Variants in CPEB1 observed in about 807,000 individuals in gnomAD.
CPEB1 encodes cytoplasmic polyadenylation element binding protein 1, also known as cytoplasmic polyadenylation element-binding protein 1.
CPEB1 carries 7 observed loss-of-function variants against 65.8 expected under a neutral mutation model. The ratio of observed to expected loss-of-function variants is 0.11; its 90% CI spans 0.06 to 0.20. CPEB1 has a LOEUF of 0.20. Ranked by LOEUF, CPEB1 falls within the 10% of genes least tolerant of loss-of-function variation. The pLI is 1.00. For missense variants in CPEB1, 551 were observed against 712.2 expected, an observed-to-expected ratio of 0.77 and a Z score of 2.58; for synonymous variants, 262 against 260.0, an observed-to-expected ratio of 1.01 and a Z score of -0.08.
chr15:82,646,866 G>A (rs933853236), intron 1 of CPEB1, among the ~76,000 whole-genome samples: 1 of 152,152 alleles, frequency 6.6e-6, no homozygotes, highest in Non-Finnish European at 1.5e-5. Flanking sequence ...ACTCCAGGCG[G>A]GCACAGGCCC....
chr15:82,575,397 G>T (rs1409326210), intron 3 of CPEB1, among the ~76,000 whole-genome samples: 1 of 152,120 alleles, frequency 6.6e-6, no homozygotes, highest in Non-Finnish European at 1.5e-5. Flanking sequence ...GGTAGGGGAG[G>T]GGGAGTACAT....
intron 3 of CPEB1, among the ~76,000 whole-genome samples, chr15:82,623,488 G>A (rs1387815779): frequency 1.3e-5 from 2 of 152,162 alleles, no homozygotes; most frequent in African/African-American, 4.8e-5. Context: ...GACCAGCCTG[G>A]CCAATGTGGT....
chr15:82,591,884 C>T (rs925280707), intron 3 of CPEB1, among the ~76,000 whole-genome samples: 8 of 150,554 alleles, frequency 5.3e-5, no homozygotes, highest in African/African-American at 2.0e-4. Flanking sequence ...AATCTGTCAC[C>T]CAGGCTGGAG....
chr15:82,636,582 C>A (rs1262514706), intron 1 of CPEB1, among the ~76,000 whole-genome samples: 1 of 152,174 alleles, frequency 6.6e-6, no homozygotes, highest in Non-Finnish European at 1.5e-5. Context: ...ACCAAAACAC[C>A]TCAAGAATAT....
At chr15:82,587,918 G>C (rs2041929342) in intron 3 of CPEB1, among the ~76,000 whole-genome samples, 1 of 151,624 alleles carries the variant, frequency 6.6e-6, no homozygotes, top group Non-Finnish European at 1.5e-5. Flanking sequence ...ATTTTGTTTT[G>C]TTTTGTTTTT....
intron 3 of CPEB1, among the ~76,000 whole-genome samples, chr15:82,593,903 A>G (rs2042467211): frequency 6.6e-6 from 1 of 152,238 alleles, no homozygotes; most frequent in Non-Finnish European, 1.5e-5. Context: ...TTGTCTGTAC[A>G]GTAAGTCTCA....
intron 3 of CPEB1, among the ~76,000 whole-genome samples, chr15:82,598,203 C>T (rs1053751644): frequency 2.6e-5 from 4 of 152,188 alleles, no homozygotes; most frequent in Non-Finnish European, 5.9e-5. Context: ...AGGCTAGGTG[C>T]GGTGGCTCAC....
intron 1 of CPEB1, among the ~76,000 whole-genome samples, chr15:82,646,524 G>A (rs1476603375): frequency 6.6e-6 from 1 of 152,130 alleles, no homozygotes; most frequent in African/African-American, 2.4e-5. Flanking sequence ...TTCTAAGAGC[G>A]AATTCGGCTC....
At chr15:82,639,925 T>C (rs951632995) in intron 1 of CPEB1, among the ~76,000 whole-genome samples, 1 of 152,108 alleles carries the variant, frequency 6.6e-6, no homozygotes, top group African/African-American at 2.4e-5. Context: ...ACATATGTTG[T>C]CAGTTGTAGG....
chr15:82,580,504 A>G (rs1271985264), intron 3 of CPEB1, among the ~76,000 whole-genome samples: 1 of 152,186 alleles, frequency 6.6e-6, no homozygotes, highest in Non-Finnish European at 1.5e-5. Context: ...ACCCTGTACT[A>G]AAAATTTTAT....
intron 3 of CPEB1, among the ~76,000 whole-genome samples, chr15:82,619,428 G>A (rs747395074): frequency 6.6e-6 from 1 of 152,156 alleles, no homozygotes; most frequent in African/African-American, 2.4e-5. Flanking sequence ...ATGGAATAAA[G>A]TCAGTAAATT....
intron 2 of CPEB1, chr15:82,628,108 G>A (rs951249661): frequency 7.5e-6 from 5 of 670,900 alleles, no homozygotes; most frequent in Admixed American, 6.9e-5. Flanking sequence ...CCAATAGAGA[G>A]AAGGTCATGA....
Position 82,553,793 on chromosome 15 carries a change from C to A in CPEB1, c.1054+85G>T, listed in dbSNP as rs531414899. The stretch of plus-strand genomic sequence containing the variant: ...CCCTGAGCTCAGGCAGGGCATTCAG[C>A]CCCTGGCCTCAATTCCAAGTTTCAT... On this transcript the variant is annotated intron_variant, in intron 7 of 12. Coordinates refer to ENST00000684509, the MANE Select transcript of CPEB1 (RefSeq NM_001365242.1). 1.3e-4 allele frequency: 130 copies of A among 990,932 alleles called. 1 individual carries two copies. The highest frequency in any genetic ancestry group is 2.8e-4 in the South Asian group (21 of 74,684). The allele number at this position is 990,932 out of a possible 1,614,324, so 61.4% of individuals were successfully genotyped here. A position where few individuals can be genotyped will look rare whatever the true frequency, so the allele number is the denominator to read the frequency against.
chr15:82,544,933 C>T (rs1175051786), intron 12 of CPEB1, among the ~76,000 whole-genome samples: 3 of 152,174 alleles, frequency 2.0e-5, no homozygotes, highest in African/African-American at 4.8e-5. Context: ...ATGTTGGGCT[C>T]GTAGTGTGTG....
At chr15:82,580,858 T>TC (rs913507502) in intron 3 of CPEB1, among the ~76,000 whole-genome samples, 1 of 151,650 alleles carries the variant, frequency 6.6e-6, no homozygotes, top group Non-Finnish European at 1.5e-5. Flanking sequence ...TCTTTTTTTT[T>TC]TTTCTTTTTT....
intron 1 of CPEB1, among the ~76,000 whole-genome samples, chr15:82,632,792 G>C (rs1057364906): frequency 1.3e-5 from 2 of 151,866 alleles, no homozygotes; most frequent in African/African-American, 4.8e-5. Context: ...GCCTCTCAAA[G>C]TGCTGGGATT....
chr15:82,580,009 G>A (rs1299675035), intron 3 of CPEB1, among the ~76,000 whole-genome samples: 1 of 137,564 alleles, frequency 7.3e-6, no homozygotes, highest in African/African-American at 2.7e-5. Context: ...GGGAGAAGTG[G>A]ACTACAAATA....
intron 3 of CPEB1, among the ~76,000 whole-genome samples, chr15:82,572,830 T>TG (rs1347220065): frequency 1.3e-5 from 2 of 152,196 alleles, no homozygotes; most frequent in Non-Finnish European, 2.9e-5. Flanking sequence ...CTTATTTCTG[T>TG]GGCCACTCAC....
intron 3 of CPEB1, among the ~76,000 whole-genome samples, chr15:82,593,282 C>T (rs1040555665): frequency 3.7e-4 from 56 of 152,346 alleles, no homozygotes; most frequent in African/African-American, 1.3e-3. Context: ...TCAAACTCTG[C>T]CTCTGCTTTA....
Sources: allele counts gnomAD v4.1 joint callset (sites outside exome capture counted in the v4.1 genomes callset), GRCh38; gene constraint gnomAD v4.1.1; transcripts MANE v1.5; gene names NCBI Gene and HGNC (gene_info 2026-07-23, HGNC 2026-07-21).